SGCZ: variants seen among roughly 807,000 people sequenced by gnomAD.
SGCZ encodes zeta-sarcoglycan.
Under a neutral mutation model 41.3 loss-of-function variants are expected in SGCZ, and 40 were observed. The observed-to-expected ratio is 0.97, with a 90% CI of 0.75 to 1.26. SGCZ has a LOEUF of 1.26. Ranked by LOEUF, SGCZ falls within the 50% of genes most tolerant of loss-of-function variation. The probability of loss-of-function intolerance (pLI) is 0.00; values close to 1 mark genes in which losing one functional copy is unlikely to be tolerated. For missense variants in SGCZ, 552 were observed against 369.8 expected (o/e 1.49, Z -4.04); for synonymous variants, 206 against 137.5 (o/e 1.50, Z -3.49).
At position 15,000,648 on chromosome 8, in the gene SGCZ, G is replaced by A. The variant is rs376264681; in HGVS notation, c.39+236937C>T. Among the ~76,000 whole-genome samples the A allele has an allele frequency of 1.4e-4, 22 of 152,170 alleles. No individual in the cohort carries two copies. In the South Asian group the frequency reaches 3.5e-3, roughly 24 times the overall value. ...AGCAAAGAACAGAGGAGATGGCACC[G>A]CTCAACTGGAAAGCCCATTTGCATA... is the stretch of plus-strand genomic sequence containing the variant. On this transcript the variant is annotated intron_variant, in intron 1 of 7. Transcript: ENST00000382080.
intron 4 of SGCZ, among the ~76,000 whole-genome samples, chr8:14,176,319 A>G (rs1216680949): frequency 1.3e-5 from 2 of 152,220 alleles, no homozygotes; most frequent in Non-Finnish European, 2.9e-5. Context: ...AAAACTTTTT[A>G]TCTGGCCACA....
rs372473964 is a variant in SGCZ at position 14,345,497 on chromosome 8, T to C, written c.235-21293A>G. Among the ~76,000 whole-genome samples, 20 of 152,250 alleles carry C rather than the reference T, an allele frequency of 1.3e-4. No homozygotes were observed. In the South Asian group the frequency reaches 3.7e-3, roughly 28 times the overall value. ...TATGGGTATAGGTTATGGAGAAAAG[T>C]ATAACACAACAAACACATTATCTCT... On this transcript the variant is annotated intron_variant, in intron 2 of 7. Transcript: ENST00000382080.
chr8:14,498,561 T>C (rs2117046357), intron 2 of SGCZ, among the ~76,000 whole-genome samples: 1 of 152,226 alleles, frequency 6.6e-6, no homozygotes, highest in Non-Finnish European at 1.5e-5. Context: ...TACCTTTCTG[T>C]TCTTTAATTC....
At chr8:14,591,412 C>A (rs1261038039) in intron 1 of SGCZ, among the ~76,000 whole-genome samples, 4 of 151,940 alleles carry the variant, frequency 2.6e-5, no homozygotes, top group Non-Finnish European at 4.4e-5. Context: ...AGAGCTCGTG[C>A]ATTTCCTAGA....
chr8:14,308,905 A>AT, intron 3 of SGCZ: 1 of 462,700 alleles, frequency 2.2e-6, no homozygotes, highest in Non-Finnish European at 3.9e-6. Flanking sequence ...AAAGAAATAC[A>AT]TTTTCTTAAT....
intron 1 of SGCZ, among the ~76,000 whole-genome samples, chr8:14,861,401 G>A (rs551461205): frequency 2.0e-5 from 3 of 152,128 alleles, no homozygotes; most frequent in South Asian, 4.1e-4. Flanking sequence ...TTTGCACAGC[G>A]GTAAGAATGC....
chr8:14,680,664 A>G (rs950650882), intron 1 of SGCZ, among the ~76,000 whole-genome samples: 1 of 151,562 alleles, frequency 6.6e-6, no homozygotes, highest in African/African-American at 2.4e-5. Flanking sequence ...GGAGAGACAT[A>G]GATTGTACGG....
In SGCZ at chr8:15,237,627, GC is replaced by G; in HGVS notation, c.-5del. 1 of 1,583,292 alleles carries G rather than the reference GC, an allele frequency of 6.3e-7. No individual in the cohort carries two copies. Among genetic ancestry groups the G allele is most frequent in the Non-Finnish European group, 8.6e-7 (1 of 1,162,586 alleles). On this transcript the variant is annotated 5_prime_UTR_variant, in exon 1 of 8. Coordinates refer to ENST00000382080, the MANE Select transcript of SGCZ (RefSeq NM_139167.4). ...CCAGGTTCGTTGATCTGTCCATGGA[GC>G]GCAACTAAACGAAGTGGAGAGGAAC...
chr8:15,091,946 G>A (rs1386907888), intron 1 of SGCZ, among the ~76,000 whole-genome samples: 2 of 152,034 alleles, frequency 1.3e-5, no homozygotes, highest in East Asian at 3.9e-4. Context: ...TAGAGACGGG[G>A]TTTCACTGTG....
intron 1 of SGCZ, among the ~76,000 whole-genome samples, chr8:14,927,513 TAAG>T (rs1438046715): frequency 3.3e-5 from 5 of 150,652 alleles, no homozygotes; most frequent in South Asian, 2.1e-4. Context: ...GGTAGAGAAA[TAAG>T]AAGAAGAGCA....
chr8:14,821,713 T>A (rs926062150), intron 1 of SGCZ, among the ~76,000 whole-genome samples: 4 of 151,738 alleles, frequency 2.6e-5, no homozygotes, highest in African/African-American at 4.8e-5. Flanking sequence ...AAGACAAACA[T>A]CCCTATGATC....
chr8:14,344,290 C>T (rs1802815123), intron 2 of SGCZ, among the ~76,000 whole-genome samples: 1 of 151,670 alleles, frequency 6.6e-6, no homozygotes, highest in African/African-American at 2.4e-5. Flanking sequence ...TAACAAATAA[C>T]TATCCAGTAA....
At chr8:14,852,190 G>C (rs1383727596) in intron 1 of SGCZ, among the ~76,000 whole-genome samples, 2 of 151,934 alleles carry the variant, frequency 1.3e-5, no homozygotes, top group Non-Finnish European at 2.9e-5. Flanking sequence ...AATCTCAAGC[G>C]CAATATTTTT....
chr8:14,299,770 G>C (rs773135107), intron 3 of SGCZ, among the ~76,000 whole-genome samples: 1 of 151,882 alleles, frequency 6.6e-6, no homozygotes, highest in Non-Finnish European at 1.5e-5. Flanking sequence ...TTAAAACTAT[G>C]CCTACTCTAT....
chr8:14,475,572 G>A (rs1395864631), intron 2 of SGCZ, among the ~76,000 whole-genome samples: 1 of 152,038 alleles, frequency 6.6e-6, no homozygotes, highest in Admixed American at 6.6e-5. Context: ...ATTTCAGCTT[G>A]TTTTATGTCT....
At chr8:14,972,304 A>G (rs1020366583) in intron 1 of SGCZ, among the ~76,000 whole-genome samples, 2 of 151,298 alleles carry the variant, frequency 1.3e-5, no homozygotes, top group Non-Finnish European at 2.9e-5. Flanking sequence ...TAATTTGTGT[A>G]TTTTCTTTCA....
intron 1 of SGCZ, among the ~76,000 whole-genome samples, chr8:15,174,979 G>A (rs1486085552): frequency 6.6e-6 from 1 of 152,044 alleles, no homozygotes; most frequent in Non-Finnish European, 1.5e-5. Context: ...GAGAGCATTA[G>A]GACAAACACC....
At chr8:14,322,964 T>C (rs1263649448) in intron 3 of SGCZ, among the ~76,000 whole-genome samples, 1 of 152,122 alleles carries the variant, frequency 6.6e-6, no homozygotes. Flanking sequence ...TTTAATTCTT[T>C]TTAAAAGTTT....
intron 1 of SGCZ, among the ~76,000 whole-genome samples, chr8:15,113,090 T>A (rs927042847): frequency 2.0e-5 from 3 of 151,884 alleles, no homozygotes; most frequent in African/African-American, 7.3e-5. Context: ...GCGCCTGTAG[T>A]TCCAACTACT....
Sources: allele counts gnomAD v4.1 joint callset (sites outside exome capture counted in the v4.1 genomes callset), GRCh38; gene constraint gnomAD v4.1.1; transcripts MANE v1.5; gene names NCBI Gene and HGNC (gene_info 2026-07-23, HGNC 2026-07-21).